The following PSPC1 variants were observed in gnomAD, a reference collection of about 807,000 sequenced individuals.
PSPC1 encodes paraspeckle protein 1.
Under a neutral mutation model 51.6 loss-of-function variants are expected in PSPC1, and 14 were observed. The observed-to-expected ratio is 0.27, with a 90% CI of 0.18 to 0.42. PSPC1 has a LOEUF of 0.42. Ranked by LOEUF, PSPC1 falls within the 10% of genes least tolerant of loss-of-function variation. PSPC1 has a pLI of 1.00. For missense variants in PSPC1, 406 were observed against 701.1 expected (o/e 0.58, Z 4.75); for synonymous variants, 193 against 231.9 (o/e 0.83, Z 1.53).
intron 6 of PSPC1, among the ~76,000 whole-genome samples, chr13:19,683,797 G>GTAA (rs1877550046): frequency 6.6e-6 from 1 of 152,032 alleles, no homozygotes; most frequent in Non-Finnish European, 1.5e-5. Flanking sequence ...ATTCCAGTTA[G>GTAA]AATCTTAACT....
chr13:19,725,468 C>T (rs1883268822), intron 6 of PSPC1, among the ~76,000 whole-genome samples: 1 of 152,160 alleles, frequency 6.6e-6, no homozygotes, highest in East Asian at 1.9e-4. Flanking sequence ...CTTCAACTCT[C>T]GGATTCAGAG....
chr13:19,781,263 TGCCTCAG>T (rs1319569097), intron 1 of PSPC1, among the ~76,000 whole-genome samples: 1 of 151,708 alleles, frequency 6.6e-6, no homozygotes, highest in South Asian at 2.1e-4. Flanking sequence ...CTGCAGCCTC[TGCCTCAG>T]CCTCCCAAGT....
intron 6 of PSPC1, among the ~76,000 whole-genome samples, chr13:19,728,938 C>A (rs1278799862): frequency 2.0e-4 from 30 of 152,194 alleles, no homozygotes; most frequent in African/African-American, 7.0e-4. Context: ...TTTCCACAGA[C>A]ACTATAAAAA....
In PSPC1 at chr13:19,719,221, G is replaced by A. The variant is rs551373390; in HGVS notation, c.1159-9622C>T. On this transcript the variant is annotated intron_variant, in intron 6 of 8. Coordinates refer to ENST00000338910, the MANE Select transcript of PSPC1 (RefSeq NM_001354909.2). ...TGTAGGCATGTGGCACGGGGTAGAC[G>A]GGAAATCTCTGTACCTTCCACATAA... 2.3e-3 allele frequency among the ~76,000 whole-genome samples: 345 copies of A among 151,978 alleles called. 3 individuals carry two copies. Among genetic ancestry groups the A allele is most frequent in the South Asian group, 0.016 (75 of 4,798 alleles).
At chr13:19,781,025 T>C (rs996770252) in intron 1 of PSPC1, among the ~76,000 whole-genome samples, 1 of 150,974 alleles carries the variant, frequency 6.6e-6, no homozygotes, top group Non-Finnish European at 1.5e-5. Flanking sequence ...GGCTTGGGGG[T>C]GCGTGACTGT....
In PSPC1 at chr13:19,703,016, A is replaced by AAT. The variant is rs1880121395; in HGVS notation, c.*157_*158dup. ...ACCATTCTAATCTACAAAGCTCATG[A>AAT]ATAAAGAAAAATACAAAAACCTCAA... On this transcript the variant is annotated 3_prime_UTR_variant, in exon 9 of 9. Coordinates refer to ENST00000338910, the MANE Select transcript of PSPC1 (RefSeq NM_001354909.2). 1 of 519,720 alleles carries AAT rather than the reference A, an allele frequency of 1.9e-6. No individual in the cohort carries two copies. Among genetic ancestry groups the AAT allele is most frequent in the South Asian group, 2.8e-5 (1 of 35,238 alleles). The allele number at this position is 519,720 out of a possible 1,614,324, so 32.2% of individuals were successfully genotyped here. A position where few individuals can be genotyped will look rare whatever the true frequency, so the allele number is the denominator to read the frequency against.
intron 6 of PSPC1, among the ~76,000 whole-genome samples, chr13:19,695,189 ACTATGAGAT>A: frequency 6.6e-6 from 1 of 152,280 alleles, no homozygotes; most frequent in East Asian, 1.9e-4. Context: ...AATAATTCAA[ACTATGAGAT>A]CTATATTTTC....
intron 6 of PSPC1, among the ~76,000 whole-genome samples, chr13:19,683,835 T>C (rs1300483930): frequency 6.6e-6 from 1 of 152,194 alleles, no homozygotes; most frequent in Non-Finnish European, 1.5e-5. Context: ...TATATGTATA[T>C]ATGCCATCTT....
At chr13:19,711,259 C>T (rs1881373231) in intron 6 of PSPC1, among the ~76,000 whole-genome samples, 1 of 152,140 alleles carries the variant, frequency 6.6e-6, no homozygotes, top group South Asian at 2.1e-4. Flanking sequence ...GTGGCTCACG[C>T]CAGTAATCCC....
chr13:19,700,047 A>G (rs1340379506), downstream of PSPC1, among the ~76,000 whole-genome samples: 1 of 152,058 alleles, frequency 6.6e-6, no homozygotes, highest in Non-Finnish European at 1.5e-5. Context: ...AGCTTTTACC[A>G]TAATATGATC....
intron 3 of PSPC1, among the ~76,000 whole-genome samples, chr13:19,754,783 C>A (rs1370215036): frequency 6.6e-6 from 1 of 152,054 alleles, no homozygotes; most frequent in Admixed American, 6.6e-5. Context: ...ACTATATAAA[C>A]AAATATTGCC....
chr13:19,716,887 A>G (rs1308664361), intron 6 of PSPC1, among the ~76,000 whole-genome samples: 2 of 152,184 alleles, frequency 1.3e-5, no homozygotes, highest in African/African-American at 4.8e-5. Context: ...CTTTCATGAG[A>G]AAGATTAAAT....
chr13:19,741,669 C>G lies in PSPC1; in HGVS notation c.968-20G>C, dbSNP rs769463800. On this transcript the variant is annotated intron_variant, in intron 4 of 8. Coordinates refer to ENST00000338910, the MANE Select transcript of PSPC1 (RefSeq NM_001354909.2). ...TTAGATCTATAAAATAATGACTGCACATTAATATTTTTAGTTTCCCTTTCC... is the reference window on the plus strand; with the variant it reads ...TTAGATCTATAAAATAATGACTGCAGATTAATATTTTTAGTTTCCCTTTCC... 2.7e-6 allele frequency: 4 copies of G among 1,478,464 alleles called. No homozygotes were observed. The Admixed American group carries it at 6.1e-5, about 23-fold the overall frequency. 91.6% of individuals were successfully genotyped at this position (1,478,464 alleles called of 1,614,324 possible). A position where few individuals can be genotyped will look rare whatever the true frequency, so the allele number is the denominator to read the frequency against.
At chr13:19,671,867 C>T (rs143488692), downstream of PSPC1, 2,743 of 1,614,080 alleles carry the variant, frequency 1.7e-3, 43 homozygotes, top group African/African-American at 0.032. Context: ...CAGAGTGCAG[C>T]TGCAGTGACC....
chr13:19,724,997 C>T (rs748797539), intron 6 of PSPC1, among the ~76,000 whole-genome samples: 5 of 151,118 alleles, frequency 3.3e-5, no homozygotes, highest in Non-Finnish European at 5.9e-5. Context: ...GACTCCGTCT[C>T]AAAAATAAAA....
intron 6 of PSPC1, among the ~76,000 whole-genome samples, chr13:19,721,364 T>C (rs1277230790): frequency 1.3e-5 from 2 of 152,230 alleles, no homozygotes; most frequent in African/African-American, 2.4e-5. Context: ...TTTGCCGGTC[T>C]TGACTCTCCT....
In PSPC1 at chr13:19,736,567, T is replaced by C. The variant is rs545957524; in HGVS notation, c.1052+4998A>G. ...GTGTGGTGACAGGCGCCTGTAATCCTAGCTACTCCGGAGGCTGAGGCAGGA... is the reference window on the plus strand; with the variant it reads ...GTGTGGTGACAGGCGCCTGTAATCCCAGCTACTCCGGAGGCTGAGGCAGGA... On this transcript the variant is annotated intron_variant, in intron 5 of 8. Coordinates refer to ENST00000338910, the MANE Select transcript of PSPC1 (RefSeq NM_001354909.2). 6.2e-4 allele frequency among the ~76,000 whole-genome samples: 95 copies of C among 152,010 alleles called. 1 individual carries two copies. Among genetic ancestry groups the C allele is most frequent in the East Asian group, 5.6e-3 (29 of 5,144 alleles).
At chr13:19,729,731 T>A (rs1481062886) in intron 6 of PSPC1, among the ~76,000 whole-genome samples, 1 of 152,106 alleles carries the variant, frequency 6.6e-6, no homozygotes, top group Non-Finnish European at 1.5e-5. Flanking sequence ...AAGATTTTTT[T>A]AAAAAGTCCT....
intron 6 of PSPC1, among the ~76,000 whole-genome samples, chr13:19,717,309 T>TA (rs1303112566): frequency 6.6e-6 from 1 of 151,914 alleles, no homozygotes; most frequent in Non-Finnish European, 1.5e-5. Flanking sequence ...CTCACACTTG[T>TA]AATCCCAGCA....
Sources: gnomAD v4.1 joint callset for allele counts (sites outside exome capture counted in the v4.1 genomes callset) on GRCh38, gnomAD v4.1.1 for gene constraint, MANE v1.5 for transcripts, NCBI Gene and HGNC (gene_info 2026-07-23, HGNC 2026-07-21) for gene names.